Variants in MSI2 observed in about 807,000 individuals in gnomAD.
MSI2 encodes musashi RNA binding protein 2.
MSI2 carries 17 observed loss-of-function variants against 45.6 expected under a neutral mutation model. The ratio of observed to expected loss-of-function variants is 0.37; its 90% CI spans 0.26 to 0.56. MSI2 has a LOEUF of 0.56. Among genes scored for constraint, MSI2 ranks in the 20% least tolerant of loss-of-function variants. The pLI is 0.77. For missense variants in MSI2, 293 were observed against 444.2 expected (o/e 0.66, Z 3.06); for synonymous variants, 156 against 158.2 (o/e 0.99, Z 0.11).
At chr17:57,616,262 GGTGTGTGTGTGTGCATGCAT>G (rs1907682194) in intron 9 of MSI2, 178 bp downstream of exon 9, 2 of 557,906 alleles carry the variant, frequency 3.6e-6, no homozygotes, top group East Asian at 3.0e-5. Flanking sequence ...ATTAAGTGTG[GGTGTGTGTGTGTGCATGCAT>G]GTGTGTGTGT....
intron 6 of MSI2, among the ~76,000 whole-genome samples, chr17:57,472,952 G>A (rs890764053): frequency 5.9e-5 from 9 of 151,824 alleles, no homozygotes; most frequent in Admixed American, 2.0e-4. Context: ...GAGTGCAATG[G>A]TGTCATCTCG....
intron 6 of MSI2, among the ~76,000 whole-genome samples, chr17:57,432,370 T>C (rs1021714957): frequency 3.3e-5 from 5 of 152,180 alleles, no homozygotes; most frequent in Non-Finnish European, 7.4e-5. Flanking sequence ...CCTGGGCTCA[T>C]AGCCATTCTC....
intron 10 of MSI2, chr17:57,631,251 T>A (rs1909344700): frequency 6.6e-6 from 1 of 152,616 alleles, no homozygotes; most frequent in African/African-American, 2.4e-5. Flanking sequence ...GCTCCGAGAC[T>A]CTTCATCCTG....
intron 3 of MSI2, 101 bp from the exon 4 acceptor site, chr17:57,258,169 G>T: frequency 1.0e-6 from 1 of 970,062 alleles, no homozygotes; most frequent in Admixed American, 1.8e-5. Context: ...GTGCGTGGGG[G>T]GCAACTTTTG....
chr17:57,273,417 A>T (rs1031591982), intron 5 of MSI2, among the ~76,000 whole-genome samples: 33 of 150,690 alleles, frequency 2.2e-4, no homozygotes, highest in African/African-American at 8.1e-4. Flanking sequence ...GCAGTACACG[A>T]TGTTCAGGTT....
intron 5 of MSI2, among the ~76,000 whole-genome samples, chr17:57,348,539 A>G (rs1915786880): frequency 1.3e-5 from 2 of 152,186 alleles, no homozygotes; most frequent in Admixed American, 6.5e-5. Flanking sequence ...TTCTCATGAC[A>G]GCTGGTTGTT....
At chr17:57,329,595 G>A (rs1914083223) in intron 5 of MSI2, among the ~76,000 whole-genome samples, 2 of 152,174 alleles carry the variant, frequency 1.3e-5, no homozygotes, top group South Asian at 4.1e-4. Flanking sequence ...GTTAGGGGGT[G>A]TGTGTCACTG....
At chr17:57,693,424 T>TGCCTCTGCCTCTGCCTCC in the MSI2 span, among the ~76,000 whole-genome samples, 4 of 152,058 alleles carry the variant, frequency 2.6e-5, no homozygotes, top group African/African-American at 9.7e-5. Flanking sequence ...CACCTGCCTC[T>TGCCTCTGCCTCTGCCTCC]GCCTCTGCCT....
Position 57,281,087 on chromosome 17 carries a change from G to A in MSI2, c.312+18895G>A, listed in dbSNP as rs554960868. 1.5e-4 allele frequency among the ~76,000 whole-genome samples: 23 copies of A among 152,204 alleles called. No individual in the cohort carries two copies. In the South Asian group the frequency reaches 3.1e-3, roughly 21 times the overall value. On this transcript the variant is annotated intron_variant, in intron 5 of 13. Coordinates refer to ENST00000284073, the MANE Select transcript of MSI2 (RefSeq NM_138962.4). Reference sequence around the variant, plus strand: ...AATTGTGGCATAATTGCTATCCCCCGAGAAGTGATGTTGGCAATATCATAC... The same window carrying A: ...AATTGTGGCATAATTGCTATCCCCCAAGAAGTGATGTTGGCAATATCATAC...
At chr17:57,510,976 T>G (rs2086341844) in intron 6 of MSI2, among the ~76,000 whole-genome samples, 1 of 152,188 alleles carries the variant, frequency 6.6e-6, no homozygotes, top group South Asian at 2.1e-4. Flanking sequence ...CTGCCATGCA[T>G]CCACCAAGCA....
rs35707042 is a variant in MSI2, at chr17:57,454,438, C to CTTTT, written c.405+52981_405+52984dup. On this transcript the variant is annotated intron_variant, in intron 6 of 13. Transcript: ENST00000284073. ...TCTCTCTCTTTTTCTTTTTCTCTTT[C>CTTTT]TTTTTTTTTTTTTTTTTGAGATGGA... Among the ~76,000 whole-genome samples, 80 of 130,118 alleles carry CTTTT rather than the reference C, an allele frequency of 6.1e-4. 1 individual carries two copies. The highest frequency in any genetic ancestry group is 2.2e-3 in the African/African-American group (75 of 34,658). The allele number at this position is 130,118 out of a possible 152,430, so 85.4% of individuals were successfully genotyped here. A position where few individuals can be genotyped will look rare whatever the true frequency, so the allele number is the denominator to read the frequency against.
intron 5 of MSI2, among the ~76,000 whole-genome samples, chr17:57,332,808 G>A (rs886761740): frequency 6.6e-6 from 1 of 152,132 alleles, no homozygotes; most frequent in Non-Finnish European, 1.5e-5. Flanking sequence ...GGTGGATCAC[G>A]AGGTCAAGAG....
chr17:57,390,653 G>C (rs2083773093), intron 5 of MSI2, among the ~76,000 whole-genome samples: 1 of 152,176 alleles, frequency 6.6e-6, no homozygotes, highest in African/African-American at 2.4e-5. Flanking sequence ...TTGGGGGATG[G>C]GGTAACTTGG....
intron 5 of MSI2, chr17:57,263,669 C>T (rs1016415858): frequency 2.0e-5 from 3 of 152,206 alleles, no homozygotes; most frequent in Admixed American, 6.5e-5. Flanking sequence ...CTGTTTTTCT[C>T]TCCCCTTTGT....
intron 6 of MSI2, among the ~76,000 whole-genome samples, chr17:57,406,173 A>T (rs996252115): frequency 9.9e-5 from 15 of 152,206 alleles, no homozygotes; most frequent in Non-Finnish European, 1.9e-4. Flanking sequence ...CCATACACAC[A>T]GGAATGATGT....
chr17:57,544,648 C>T (rs1451732627), intron 7 of MSI2, among the ~76,000 whole-genome samples: 5 of 152,030 alleles, frequency 3.3e-5, no homozygotes, highest in Non-Finnish European at 4.4e-5. Context: ...CAGATGACTT[C>T]GATGAAAACC....
At chr17:57,401,265 T>A (rs2083984860) in intron 5 of MSI2, 114 bp from the exon 6 acceptor site, 2 of 817,772 alleles carry the variant, frequency 2.4e-6, no homozygotes, top group Non-Finnish European at 4.2e-6. Context: ...AGCTTGAATA[T>A]ATCTAAAATT....
chr17:57,309,930 C>T (rs1001985261), intron 5 of MSI2, among the ~76,000 whole-genome samples: 5 of 152,162 alleles, frequency 3.3e-5, no homozygotes, highest in South Asian at 2.1e-4. Flanking sequence ...GGTCTCTGTC[C>T]GCTGGGCCTC....
chr17:57,317,951 C>G (rs976087749), intron 5 of MSI2, among the ~76,000 whole-genome samples: 2 of 152,042 alleles, frequency 1.3e-5, no homozygotes, highest in African/African-American at 4.8e-5. Flanking sequence ...GAGTTTGAGA[C>G]CAGCCTGGCC....
Sources: allele counts gnomAD v4.1 joint callset (sites outside exome capture counted in the v4.1 genomes callset), GRCh38; gene constraint gnomAD v4.1.1; transcripts MANE v1.5; gene names NCBI Gene and HGNC (gene_info 2026-07-23, HGNC 2026-07-21).